The following RNGTT variants were observed in gnomAD, a reference collection of about 807,000 sequenced individuals.
RNGTT encodes mRNA-capping enzyme.
RNGTT carries 33 observed loss-of-function variants against 79.3 expected under a neutral mutation model. That is an observed-to-expected ratio of 0.42 (90% CI 0.32 to 0.56). The LOEUF is 0.56. Among genes scored for constraint, RNGTT ranks in the 20% least tolerant of loss-of-function variants. The probability of loss-of-function intolerance (pLI) is 0.17; values close to 1 mark genes in which losing one functional copy is unlikely to be tolerated. For missense variants in RNGTT, 497 were observed against 739.1 expected, an observed-to-expected ratio of 0.67 and a Z score of 3.80; for synonymous variants, 222 against 235.9, an observed-to-expected ratio of 0.94 and a Z score of 0.54.
rs114170192 is a variant in RNGTT at position 88,723,426 on chromosome 6, C to G, written c.1440-45007G>C. Among the ~76,000 whole-genome samples the G allele has an allele frequency of 2.3e-3, 346 of 152,308 alleles. 1 individual carries two copies. The highest frequency in any genetic ancestry group is 7.9e-3 in the African/African-American group (328 of 41,574). ...CTATAAAACTTCTCTACAGCCCCTG[C>G]CTCTTTGCAGACAGCCCCTTCTCTG... On this transcript the variant is annotated intron_variant, in intron 13 of 15. Transcript: ENST00000369485.
chr6:88,949,735 C>G (rs749386158), intron 1 of RNGTT, among the ~76,000 whole-genome samples: 4 of 152,146 alleles, frequency 2.6e-5, no homozygotes, highest in Non-Finnish European at 5.9e-5. Flanking sequence ...AAATCTGAAG[C>G]TAGCAGAGGT....
intron 4 of RNGTT, among the ~76,000 whole-genome samples, chr6:88,922,833 T>C (rs994570212): frequency 6.6e-6 from 1 of 152,186 alleles, no homozygotes; most frequent in African/African-American, 2.4e-5. Context: ...GATCCAACAA[T>C]ACCTACAAAC....
intron 11 of RNGTT, among the ~76,000 whole-genome samples, chr6:88,841,366 T>A (rs1026727792): frequency 6.6e-6 from 1 of 152,192 alleles, no homozygotes; most frequent in Non-Finnish European, 1.5e-5. Flanking sequence ...CTAGGATTAC[T>A]TACAGCTAAT....
chr6:88,904,828 C>A lies in RNGTT; in HGVS notation c.571G>T (p.Asp191Tyr), dbSNP rs750414276. The change falls in exon 6 of 16, where the codon GAT becomes TAT. Residue 191 changes from aspartate (D) to tyrosine (Y), a missense_variant. Physicochemically the swap from Asp to Tyr is radical, Grantham distance 160 (BLOSUM62 -3). Around this residue, in one of 3 missense-constraint regions of RNGTT, gnomAD observed 440 missense variants for 671.5 expected, o/e 0.66. Transcript: ENST00000369485. The part of the protein sequence containing the change: ...EEAPPPPLLP[D>Y]WCFEDDEDED... Reference sequence around the variant, plus strand: ...TCTTCATCATCCTCAAAACACCAATCTGGCAATAGAGGTGGGGGTGGTGCT... The same window carrying A: ...TCTTCATCATCCTCAAAACACCAATATGGCAATAGAGGTGGGGGTGGTGCT... The A allele has an allele frequency of 1.9e-6, 3 of 1,614,132 alleles. No individual in the cohort carries two copies. The Admixed American group carries it at 5.0e-5, about 27-fold the overall frequency.
At chr6:88,708,907 C>G (rs1295602431) in intron 13 of RNGTT, among the ~76,000 whole-genome samples, 1 of 152,076 alleles carries the variant, frequency 6.6e-6, no homozygotes, top group Non-Finnish European at 1.5e-5. Context: ...GGTAGCTAGA[C>G]CACACATTTC....
chr6:88,872,832 C>G lies in RNGTT; in HGVS notation c.896+17663G>C, dbSNP rs187761595. 6.6e-5 allele frequency among the ~76,000 whole-genome samples: 10 copies of G among 152,192 alleles called. No individual in the cohort carries two copies. In the East Asian group the frequency reaches 1.9e-3, roughly 29 times the overall value. On this transcript the variant is annotated intron_variant, in intron 8 of 15. Transcript: ENST00000369485. ...AAGCATGCACAGAGGTAGCAGGATTCACAGATGGAGGTGCCTATTTTACAA... is the reference window on the plus strand; with the variant it reads ...AAGCATGCACAGAGGTAGCAGGATTGACAGATGGAGGTGCCTATTTTACAA...
At chr6:88,816,875 G>T (rs1177580433) in intron 11 of RNGTT, among the ~76,000 whole-genome samples, 1 of 152,040 alleles carries the variant, frequency 6.6e-6, no homozygotes, top group Admixed American at 6.6e-5. Context: ...ACAGTCTAAG[G>T]AGGAAATGGG....
intron 11 of RNGTT, among the ~76,000 whole-genome samples, chr6:88,806,852 T>A (rs913199055): frequency 1.3e-5 from 2 of 152,116 alleles, no homozygotes; most frequent in African/African-American, 4.8e-5. Context: ...TAAATGCCCA[T>A]CAATGATAGA....
intron 1 of RNGTT, 71 bp from the exon 2 acceptor site, chr6:88,941,251 T>C (rs1784837600): frequency 9.4e-7 from 1 of 1,064,784 alleles, no homozygotes. Context: ...TAATTAACAA[T>C]TCTCAAATAT....
intron 1 of RNGTT, among the ~76,000 whole-genome samples, chr6:88,949,992 C>T (rs1292987708): frequency 6.6e-6 from 1 of 152,194 alleles, no homozygotes; most frequent in Non-Finnish European, 1.5e-5. Flanking sequence ...GACAGGCTGA[C>T]TTTCTTGTTA....
chr6:88,891,919 T>TA lies in RNGTT; in HGVS notation c.685-5dup, dbSNP rs138933610. The TA allele has an allele frequency of 5.5e-3, 7,138 of 1,303,966 alleles. 3 individuals carry two copies. The highest frequency in any genetic ancestry group is 0.011 in the African/African-American group (733 of 64,576). The allele number at this position is 1,303,966 out of a possible 1,614,324, so 80.8% of individuals were successfully genotyped here. ...CACCTTCCAAGAAAATAGCGCCCTTTAAAAAAAAAATAAGAAAAATAAGGG... is the reference window on the plus strand; with the variant it reads ...CACCTTCCAAGAAAATAGCGCCCTTTAAAAAAAAAAATAAGAAAAATAAGGG... On this transcript the variant is annotated splice_polypyrimidine_tract_variant and splice_region_variant and intron_variant, in intron 6 of 15. Transcript: ENST00000369485.
chr6:88,745,949 C>T (rs1777646055), intron 13 of RNGTT, among the ~76,000 whole-genome samples: 2 of 152,176 alleles, frequency 1.3e-5, no homozygotes, highest in Admixed American at 6.5e-5. Context: ...AAGATCAGGA[C>T]CCTGTAACCC....
chr6:88,752,590 T>C (rs1777875881), intron 13 of RNGTT, among the ~76,000 whole-genome samples: 1 of 152,184 alleles, frequency 6.6e-6, no homozygotes, highest in Non-Finnish European at 1.5e-5. Flanking sequence ...ACAATTGTTC[T>C]TGTAGTAGAC....
intron 14 of RNGTT, among the ~76,000 whole-genome samples, chr6:88,641,505 C>T (rs559498413): frequency 6.6e-6 from 1 of 152,234 alleles, no homozygotes; most frequent in East Asian, 1.9e-4. Flanking sequence ...TTATAAATCA[C>T]ACTACACTAT....
At chr6:88,626,904 T>G (rs1772654377) in intron 14 of RNGTT, among the ~76,000 whole-genome samples, 1 of 152,022 alleles carries the variant, frequency 6.6e-6, no homozygotes, top group African/African-American at 2.4e-5. Context: ...AGTGCCAAAC[T>G]CTACGGCATA....
chr6:88,825,204 A>G (rs1780619050), intron 11 of RNGTT, among the ~76,000 whole-genome samples: 1 of 152,240 alleles, frequency 6.6e-6, no homozygotes, highest in Non-Finnish European at 1.5e-5. Context: ...TAAGAATATA[A>G]ATTAATAATT....
Position 88,610,490 on chromosome 6 carries a change from T to G in RNGTT, c.*2229A>C, listed in dbSNP as rs1272630494. 6.6e-6 allele frequency: 1 copy of G among 152,254 alleles called. No individual in the cohort carries two copies. Among genetic ancestry groups the G allele is most frequent in the Non-Finnish European group, 1.5e-5 (1 of 68,022 alleles). The allele number at this position is 152,254 out of a possible 1,614,324, so 9.4% of individuals were successfully genotyped here. ...TCTAAAAAACTTCAGTCTCAGAAAATAGTTATTGAAGTGAGCTGAGAAGGA... is the reference window on the plus strand; with the variant it reads ...TCTAAAAAACTTCAGTCTCAGAAAAGAGTTATTGAAGTGAGCTGAGAAGGA... On this transcript the variant is annotated 3_prime_UTR_variant, in exon 16 of 16. Coordinates refer to ENST00000369485, the MANE Select transcript of RNGTT (RefSeq NM_003800.5).
intron 1 of RNGTT, among the ~76,000 whole-genome samples, chr6:88,946,018 G>A (rs1407327855): frequency 6.6e-6 from 1 of 152,184 alleles, no homozygotes; most frequent in Non-Finnish European, 1.5e-5. Flanking sequence ...TGAGTTTTGG[G>A]CAGTTGTTTA....
chr6:88,629,134 GA>G (rs1772748891), intron 14 of RNGTT, among the ~76,000 whole-genome samples: 1 of 152,140 alleles, frequency 6.6e-6, no homozygotes, highest in African/African-American at 2.4e-5. Context: ...AGTGGGTAGG[GA>G]AAAGGTGTGG....
Sources: gnomAD v4.1 joint callset for allele counts (sites outside exome capture counted in the v4.1 genomes callset) on GRCh38, gnomAD v4.1.1 for gene constraint, gnomAD v4.1.1 regional missense constraint, MANE v1.5 for transcripts, NCBI Gene and HGNC (gene_info 2026-07-23, HGNC 2026-07-21) for gene names.